CDH8: variants seen among roughly 807,000 people sequenced by gnomAD.
The protein encoded by CDH8 is cadherin-8.
A neutral mutation model predicts 68.1 loss-of-function variants in CDH8; 17 were observed. That is an observed-to-expected ratio of 0.25 (90% CI 0.17 to 0.37). CDH8 has a LOEUF of 0.37. Ranked by LOEUF, CDH8 falls within the 10% of genes least tolerant of loss-of-function variation. The pLI is 1.00. For missense variants in CDH8, 763 were observed against 999.3 expected, an observed-to-expected ratio of 0.76 and a Z score of 3.19; for synonymous variants, 372 against 365.1, an observed-to-expected ratio of 1.02 and a Z score of -0.21.
chr16:61,953,544 G>A (rs2143598459), intron 2 of CDH8, among the ~76,000 whole-genome samples: 1 of 150,842 alleles, frequency 6.6e-6, no homozygotes, highest in African/African-American at 2.4e-5. Flanking sequence ...AAATTTCTGA[G>A]TATGAGACCA....
chr16:61,693,293 T>C (rs565252483), intron 10 of CDH8: 1 of 152,286 alleles, frequency 6.6e-6, no homozygotes, highest in East Asian at 1.9e-4. Context: ...GCAAATCTAG[T>C]CTGCCTTTTG....
chr16:61,707,084 A>G (rs765965274), intron 10 of CDH8, among the ~76,000 whole-genome samples: 30 of 152,140 alleles, frequency 2.0e-4, no homozygotes, highest in Non-Finnish European at 4.0e-4. Flanking sequence ...GACATGTTCA[A>G]TCATTGGCCC....
intron 10 of CDH8, among the ~76,000 whole-genome samples, chr16:61,708,860 A>C (rs1263874127): frequency 6.6e-6 from 1 of 152,166 alleles, no homozygotes; most frequent in African/African-American, 2.4e-5. Flanking sequence ...TTCAACATTG[A>C]AGAAATGTCC....
At chr16:61,709,510 A>G (rs1964589874) in intron 10 of CDH8, among the ~76,000 whole-genome samples, 1 of 152,130 alleles carries the variant, frequency 6.6e-6, no homozygotes, top group Non-Finnish European at 1.5e-5. Flanking sequence ...GGGAAGTTTG[A>G]GATAGGCTGA....
At chr16:61,660,655 C>T (rs184987297) in intron 10 of CDH8, among the ~76,000 whole-genome samples, 7 of 152,020 alleles carry the variant, frequency 4.6e-5, no homozygotes, top group African/African-American at 7.2e-5. Flanking sequence ...AGTGAAAACA[C>T]GGAAAGCCAA....
At chr16:61,893,415 AGTGTGTGTGT>A (rs139637026) in intron 3 of CDH8, among the ~76,000 whole-genome samples, 1 of 145,660 alleles carries the variant, frequency 6.9e-6, no homozygotes, top group African/African-American at 2.5e-5. Context: ...TGTGTGTGTG[AGTGTGTGTGT>A]GTGTGTGTGT....
intron 8 of CDH8, among the ~76,000 whole-genome samples, chr16:61,780,609 T>C (rs1340607690): frequency 1.3e-5 from 2 of 152,256 alleles, no homozygotes; most frequent in Non-Finnish European, 2.9e-5. Context: ...CCTCCCCCTA[T>C]GGGGTTCTGC....
In CDH8 at chr16:61,650,649, ATG is replaced by A. The variant is rs1963298710; in HGVS notation, c.*2957_*2958del. The A allele has an allele frequency of 1.3e-5, 2 of 149,822 alleles. No individual in the cohort carries two copies. The highest frequency in any genetic ancestry group is 1.3e-4 in the Admixed American group (2 of 14,974). 9.3% of individuals were successfully genotyped at this position (149,822 alleles called of 1,614,324 possible). ...TGCTAAAGTAAAACTTCAAGTCAAA[ATG>A]TGTGTTTTTTATTTGTTTGTTGTGT... On this transcript the variant is annotated 3_prime_UTR_variant, in exon 12 of 12. Transcript: ENST00000577390.
At chr16:61,791,452 T>G (rs1311398332) in intron 7 of CDH8, among the ~76,000 whole-genome samples, 2 of 152,106 alleles carry the variant, frequency 1.3e-5, no homozygotes, top group Admixed American at 6.6e-5. Context: ...AGATATCATG[T>G]GTACTCTGAC....
chr16:61,728,988 A>T (rs1160304321), intron 8 of CDH8, among the ~76,000 whole-genome samples: 5 of 151,216 alleles, frequency 3.3e-5, no homozygotes. Flanking sequence ...AAGGTATTAT[A>T]GCCTTTGCCT....
chr16:61,703,593 C>T (rs1964473950), intron 10 of CDH8, among the ~76,000 whole-genome samples: 1 of 152,168 alleles, frequency 6.6e-6, no homozygotes, highest in Non-Finnish European at 1.5e-5. Context: ...GTAATCTCAG[C>T]ACTTTGGGAG....
intron 8 of CDH8, among the ~76,000 whole-genome samples, chr16:61,735,714 A>G (rs1959659661): frequency 6.6e-6 from 1 of 152,138 alleles, no homozygotes; most frequent in Admixed American, 6.6e-5. Flanking sequence ...CTACAGTCAC[A>G]GGAAGATTTA....
intron 4 of CDH8, among the ~76,000 whole-genome samples, chr16:61,841,155 T>C (rs1291281735): frequency 6.6e-6 from 1 of 152,186 alleles, no homozygotes; most frequent in East Asian, 1.9e-4. Flanking sequence ...TTGTAAACAG[T>C]GCTGCAACAA....
At chr16:61,894,335 T>A (rs60405077) in intron 3 of CDH8, among the ~76,000 whole-genome samples, 1 of 152,304 alleles carries the variant, frequency 6.6e-6, no homozygotes, top group East Asian at 1.9e-4. Context: ...CCCTTCCAGA[T>A]TGAATAAGTC....
intron 8 of CDH8, among the ~76,000 whole-genome samples, chr16:61,750,046 C>A (rs191445819): frequency 1.1e-4 from 17 of 152,132 alleles, no homozygotes; most frequent in African/African-American, 4.1e-4. Context: ...GGTTTTTCAA[C>A]CCTTTGTCCC....
rs74875989 is a variant in CDH8, at chr16:61,997,005, G to A, written c.252+24147C>T. Among the ~76,000 whole-genome samples, 63 of 104,690 alleles carry A rather than the reference G, an allele frequency of 6.0e-4. 1 individual carries two copies. Among genetic ancestry groups the A allele is most frequent in the Admixed American group, 5.1e-3 (50 of 9,890 alleles). The allele number at this position is 104,690 out of a possible 152,430, so 68.7% of individuals were successfully genotyped here. Reference sequence around the variant, plus strand: ...TGACCACAGAATATTGTGTGTATGTGTGTGTGTGTGTGTGTGTATGTGTGT... The same window carrying A: ...TGACCACAGAATATTGTGTGTATGTATGTGTGTGTGTGTGTGTATGTGTGT... On this transcript the variant is annotated intron_variant, in intron 2 of 11. Coordinates refer to ENST00000577390, the MANE Select transcript of CDH8 (RefSeq NM_001796.5).
chr16:61,997,269 T>C (rs1652796131), intron 2 of CDH8, among the ~76,000 whole-genome samples: 1 of 152,160 alleles, frequency 6.6e-6, no homozygotes, highest in South Asian at 2.1e-4. Flanking sequence ...GATGTTCTAT[T>C]GAGAAAAGAA....
intron 10 of CDH8, among the ~76,000 whole-genome samples, chr16:61,683,176 T>G (rs756375314): frequency 1.1e-4 from 16 of 152,004 alleles, no homozygotes; most frequent in Non-Finnish European, 1.9e-4. Context: ...TCCAATAACA[T>G]ATTTGTTTTT....
At chr16:61,692,371 TA>T in intron 10 of CDH8, 1 of 152,290 alleles carries the variant, frequency 6.6e-6, no homozygotes, top group South Asian at 2.1e-4. Flanking sequence ...TCTAGCTGTA[TA>T]AAAATGTCTA....
Sources: gnomAD v4.1 joint callset for allele counts (sites outside exome capture counted in the v4.1 genomes callset) on GRCh38, gnomAD v4.1.1 for gene constraint, MANE v1.5 for transcripts, NCBI Gene and HGNC (gene_info 2026-07-23, HGNC 2026-07-21) for gene names.